LRRC4C: variants seen among roughly 807,000 people sequenced by gnomAD.
The protein encoded by LRRC4C is leucine rich repeat containing 4C.
In LRRC4C, 5 loss-of-function variants were observed where a neutral mutation model predicts 33.6. The ratio of observed to expected loss-of-function variants is 0.15; its 90% CI spans 0.08 to 0.31. The LOEUF (loss-of-function observed/expected upper bound fraction) is 0.31, where lower values mean the gene tolerates loss of function less well. Ranked by LOEUF, LRRC4C falls within the 10% of genes least tolerant of loss-of-function variation. The probability of loss-of-function intolerance (pLI) is 1.00; values close to 1 mark genes in which losing one functional copy is unlikely to be tolerated. For synonymous variants in LRRC4C, 329 were observed against 302.0 expected, an observed-to-expected ratio of 1.09 and a Z score of -0.93; for missense variants, 560 against 796.7, an observed-to-expected ratio of 0.70 and a Z score of 3.58.
intron 1 of LRRC4C, among the ~76,000 whole-genome samples, chr11:41,327,595 C>T (rs1378630530): frequency 6.6e-6 from 1 of 152,112 alleles, no homozygotes; most frequent in Admixed American, 6.6e-5. Context: ...TGTTTGTGAA[C>T]ACCATCAGGA....
rs113997402 is a variant in LRRC4C, at chr11:40,693,828, C to T, written c.-406-45550G>A. On this transcript the variant is annotated intron_variant, in intron 2 of 6. Coordinates refer to ENST00000528697, the MANE Select transcript of LRRC4C (RefSeq NM_001258419.2). Reference sequence around the variant, plus strand: ...TAAAAGGTGAGTTGGAATGACACAACGACATAGTCTATTCTCCACCAGGGA... The same window carrying T: ...TAAAAGGTGAGTTGGAATGACACAATGACATAGTCTATTCTCCACCAGGGA... 8.0e-4 allele frequency among the ~76,000 whole-genome samples: 121 copies of T among 152,182 alleles called. 1 individual carries two copies. The highest frequency in any genetic ancestry group is 2.6e-3 in the African/African-American group (108 of 41,556).
intron 1 of LRRC4C, among the ~76,000 whole-genome samples, chr11:41,276,122 C>T (rs544560481): frequency 2.5e-4 from 38 of 152,296 alleles, no homozygotes; most frequent in Non-Finnish European, 7.4e-5. Context: ...ACCTGCTACA[C>T]GTGGTACTTA....
At chr11:40,880,278 C>T (rs906307597) in intron 2 of LRRC4C, among the ~76,000 whole-genome samples, 1 of 152,030 alleles carries the variant, frequency 6.6e-6, no homozygotes, top group African/African-American at 2.4e-5. Flanking sequence ...GATTCAATTT[C>T]ACAGAAATTA....
At chr11:41,296,467 A>G (rs796905581) in intron 1 of LRRC4C, among the ~76,000 whole-genome samples, 7 of 151,874 alleles carry the variant, frequency 4.6e-5, no homozygotes, top group African/African-American at 1.7e-4. Flanking sequence ...GGCACTCACC[A>G]CCGTACCCAG....
At chr11:40,589,976 G>C (rs1958959924) in intron 3 of LRRC4C, among the ~76,000 whole-genome samples, 1 of 151,460 alleles carries the variant, frequency 6.6e-6, no homozygotes, top group South Asian at 2.1e-4. Context: ...TCTTCTCGAG[G>C]AGTATCTTTG....
chr11:41,016,539 A>G (rs1173225657), intron 1 of LRRC4C, among the ~76,000 whole-genome samples: 2 of 152,202 alleles, frequency 1.3e-5, no homozygotes, highest in African/African-American at 4.8e-5. Flanking sequence ...ATTTGCTACA[A>G]ATGTCTTTAG....
At chr11:40,519,384 T>C (rs542292735) in intron 3 of LRRC4C, among the ~76,000 whole-genome samples, 1 of 152,316 alleles carries the variant, frequency 6.6e-6, no homozygotes, top group East Asian at 1.9e-4. Context: ...AATGTTTCAT[T>C]ACAATGAAAG....
chr11:41,011,289 T>G (rs1164762524), intron 1 of LRRC4C, among the ~76,000 whole-genome samples: 2 of 152,136 alleles, frequency 1.3e-5, no homozygotes, highest in Non-Finnish European at 2.9e-5. Context: ...ATAATGTTAT[T>G]TTTTTCAAGT....
chr11:40,463,188 T>C (rs75610450), intron 3 of LRRC4C, among the ~76,000 whole-genome samples: 6,204 of 152,048 alleles, frequency 0.041, 409 homozygotes, highest in African/African-American at 0.14. Context: ...TGATGAGGCA[T>C]AGAAGTATTA....
chr11:41,238,453 G>T (rs1016018400), intron 1 of LRRC4C, among the ~76,000 whole-genome samples: 1 of 152,086 alleles, frequency 6.6e-6, no homozygotes, highest in African/African-American at 2.4e-5. Flanking sequence ...ATTAATACTT[G>T]TATTTGCAGA....
chr11:40,825,796 G>A (rs1276919442), intron 2 of LRRC4C, among the ~76,000 whole-genome samples: 2 of 151,482 alleles, frequency 1.3e-5, no homozygotes, highest in Admixed American at 6.6e-5. Flanking sequence ...ATGTTGACTG[G>A]ATGACACAAA....
At chr11:40,842,241 C>T (rs555528594) in intron 2 of LRRC4C, among the ~76,000 whole-genome samples, 1 of 152,250 alleles carries the variant, frequency 6.6e-6, no homozygotes, top group East Asian at 1.9e-4. Flanking sequence ...CAACTCTATT[C>T]CAATTAGCTC....
chr11:41,437,039 A>C (rs1483543119), intron 1 of LRRC4C, among the ~76,000 whole-genome samples: 2 of 152,184 alleles, frequency 1.3e-5, no homozygotes, highest in Admixed American at 6.5e-5. Context: ...TAAAATACTC[A>C]ATACTTTTCA....
rs971835393 is a variant in LRRC4C at position 41,440,702 on chromosome 11, C to T, written c.-496+18729G>A. ...GGGACCTGGTGGGAGGTGACTGGAT[C>T]ATAGGGGCGGATTTCCCCCTTGCTG... On this transcript the variant is annotated intron_variant, in intron 1 of 6. Coordinates refer to ENST00000528697, the MANE Select transcript of LRRC4C (RefSeq NM_001258419.2). 4.6e-4 allele frequency among the ~76,000 whole-genome samples: 70 copies of T among 152,204 alleles called. 1 individual carries two copies. Among genetic ancestry groups the T allele is most frequent in the African/African-American group, 1.7e-3 (69 of 41,536 alleles).
intron 3 of LRRC4C, among the ~76,000 whole-genome samples, chr11:40,457,414 T>C (rs1239454259): frequency 6.6e-6 from 1 of 152,146 alleles, no homozygotes; most frequent in Non-Finnish European, 1.5e-5. Flanking sequence ...CAACTAAGTA[T>C]TGCTTACTAC....
At chr11:40,290,151 G>A (rs539137739) in intron 4 of LRRC4C, among the ~76,000 whole-genome samples, 1 of 152,124 alleles carries the variant, frequency 6.6e-6, no homozygotes, top group Non-Finnish European at 1.5e-5. Flanking sequence ...AAGTGAAAAA[G>A]CATCAAGTAC....
chr11:40,609,553 T>C (rs1960988111), intron 3 of LRRC4C, among the ~76,000 whole-genome samples: 1 of 151,736 alleles, frequency 6.6e-6, no homozygotes, highest in African/African-American at 2.4e-5. Context: ...AAATAAAGGT[T>C]AGAGCAGAAA....
chr11:41,416,877 A>G (rs2138277451), intron 1 of LRRC4C, among the ~76,000 whole-genome samples: 1 of 152,122 alleles, frequency 6.6e-6, no homozygotes, highest in South Asian at 2.1e-4. Context: ...AGGTGTTTTC[A>G]TTTCTGATGT....
chr11:40,504,005 C>T (rs1022756166), intron 3 of LRRC4C, among the ~76,000 whole-genome samples: 1 of 152,080 alleles, frequency 6.6e-6, no homozygotes, highest in Non-Finnish European at 1.5e-5. Flanking sequence ...TACAGCCCCC[C>T]AGTAACCCTC....
Sources: gnomAD v4.1 joint callset for allele counts (sites outside exome capture counted in the v4.1 genomes callset) on GRCh38, gnomAD v4.1.1 for gene constraint, MANE v1.5 for transcripts, NCBI Gene and HGNC (gene_info 2026-07-23, HGNC 2026-07-21) for gene names.